The following PEX5L variants were observed in gnomAD, a reference collection of about 807,000 sequenced individuals.
PEX5L encodes the protein PEX5-related protein.
Under a neutral mutation model 84.0 loss-of-function variants are expected in PEX5L, and 30 were observed. The ratio of observed to expected loss-of-function variants is 0.36; its 90% CI spans 0.27 to 0.48. PEX5L has a LOEUF of 0.48. Ranked by LOEUF, PEX5L falls within the 20% of genes least tolerant of loss-of-function variation. The pLI, the probability that PEX5L is intolerant of heterozygous loss-of-function variation, is 0.99. For missense variants in PEX5L, 533 were observed against 754.6 expected (o/e 0.71, Z 3.44); for synonymous variants, 270 against 283.1 (o/e 0.95, Z 0.46).
At chr3:180,000,228 C>A (rs1031863708) in intron 1 of PEX5L, among the ~76,000 whole-genome samples, 3 of 152,190 alleles carry the variant, frequency 2.0e-5, no homozygotes, top group Non-Finnish European at 2.9e-5. Context: ...ACACTTTGAG[C>A]TCCTCCTACC....
chr3:179,971,618 G>A lies in PEX5L; in HGVS notation c.69C>T (p.Leu23=), dbSNP rs180857912. ...GYGKLSSDED[L]EIIVDQKQGK... ...CCTGCTTTTGATCAACAATTATTTC[G>A]AGGTCTTCATCACTGCTTAGTTTTC... The change falls in exon 2 of 15, where the codon CTC becomes CTT. Residue 23 remains leucine (L), a synonymous_variant. Coordinates refer to ENST00000467460, the MANE Select transcript of PEX5L (RefSeq NM_016559.3). 15 of 1,607,358 alleles carry A rather than the reference G, an allele frequency of 9.3e-6. No individual in the cohort carries two copies. The highest frequency in any genetic ancestry group is 8.5e-5 in the Admixed American group (5 of 59,016).
chr3:179,929,752 A>G (rs928831773), intron 2 of PEX5L, among the ~76,000 whole-genome samples: 1 of 151,744 alleles, frequency 6.6e-6, no homozygotes, highest in African/African-American at 2.4e-5. Context: ...ATAACCTTCA[A>G]CTCCCATGAC....
chr3:179,988,421 A>AATAAATAAATAC (rs1384682689), intron 1 of PEX5L, among the ~76,000 whole-genome samples: 1 of 148,114 alleles, frequency 6.8e-6, no homozygotes, highest in Non-Finnish European at 1.5e-5. Flanking sequence ...TAAATAAATA[A>AATAAATAAATAC]AATAAAAAAA....
intron 3 of PEX5L, among the ~76,000 whole-genome samples, chr3:179,891,927 T>C (rs1196396261): frequency 6.6e-6 from 1 of 152,212 alleles, no homozygotes; most frequent in East Asian, 1.9e-4. Flanking sequence ...TTCCAAATTG[T>C]ATAACATTTA....
chr3:179,930,073 T>G (rs1376902928), intron 2 of PEX5L, among the ~76,000 whole-genome samples: 1 of 152,174 alleles, frequency 6.6e-6, no homozygotes, highest in African/African-American at 2.4e-5. Context: ...CTAGGAACCT[T>G]TTTGAAAACA....
chr3:180,024,728 A>G (rs1790787443), intron 1 of PEX5L, among the ~76,000 whole-genome samples: 1 of 151,896 alleles, frequency 6.6e-6, no homozygotes, highest in Non-Finnish European at 1.5e-5. Context: ...ATGCATGTGT[A>G]ACTGGGGAGG....
intron 1 of PEX5L, among the ~76,000 whole-genome samples, chr3:180,018,460 G>T (rs1272188149): frequency 6.6e-6 from 1 of 152,100 alleles, no homozygotes; most frequent in Non-Finnish European, 1.5e-5. Flanking sequence ...TTGGTGATAT[G>T]GCCAGTCCTT....
intron 8 of PEX5L, among the ~76,000 whole-genome samples, chr3:179,824,919 A>G (rs1241662677): frequency 6.6e-6 from 1 of 152,184 alleles, no homozygotes; most frequent in Non-Finnish European, 1.5e-5. Context: ...TTTCCTGTTG[A>G]GTAAGAGCTC....
At chr3:179,995,399 A>G (rs533048503) in intron 1 of PEX5L, among the ~76,000 whole-genome samples, 1 of 151,986 alleles carries the variant, frequency 6.6e-6, no homozygotes, top group Admixed American at 6.6e-5. Context: ...GCTTAATATG[A>G]TTAGACCCCA....
At chr3:179,816,056 C>A (rs374121114) in intron 9 of PEX5L, 52 bp from the exon 10 acceptor site, 121 of 1,565,980 alleles carry the variant, frequency 7.7e-5, no homozygotes, top group Non-Finnish European at 1.7e-5. Context: ...TCTTCTCATT[C>A]TCACATTCAA....
At chr3:180,008,609 T>TA (rs368579234) in intron 1 of PEX5L, among the ~76,000 whole-genome samples, 4 of 152,322 alleles carry the variant, frequency 2.6e-5, no homozygotes, top group African/African-American at 9.6e-5. Context: ...TAATTGGACT[T>TA]ACAGTTCCAC....
chr3:179,846,413 G>A (rs1739371888), intron 8 of PEX5L, among the ~76,000 whole-genome samples: 1 of 152,080 alleles, frequency 6.6e-6, no homozygotes, highest in South Asian at 2.1e-4. Context: ...GCCCTACTGT[G>A]CCATTCAACA....
At chr3:179,832,427 C>A (rs138859096) in intron 8 of PEX5L, among the ~76,000 whole-genome samples, 2 of 151,618 alleles carry the variant, frequency 1.3e-5, no homozygotes, top group East Asian at 3.9e-4. Context: ...CACCTGCCTA[C>A]CCACTAACCT....
chr3:179,799,157 G>C lies in PEX5L; in HGVS notation c.*2671C>G, dbSNP rs1430642528. On this transcript the variant is annotated 3_prime_UTR_variant, in exon 15 of 15. Transcript: ENST00000467460. ...CTGGTCTCGAACTCCTGACCTCGTGGTCTGCCCGCCTCTGCCTCCCAAAGT... is the reference window on the plus strand; with the variant it reads ...CTGGTCTCGAACTCCTGACCTCGTGCTCTGCCCGCCTCTGCCTCCCAAAGT... The C allele has an allele frequency of 6.6e-6, 1 of 152,068 alleles. No individual in the cohort carries two copies. Among genetic ancestry groups the C allele is most frequent in the Non-Finnish European group, 1.5e-5 (1 of 68,032 alleles). 9.4% of individuals were successfully genotyped at this position (152,068 alleles called of 1,614,324 possible). A position where few individuals can be genotyped will look rare whatever the true frequency, so the allele number is the denominator to read the frequency against.
intron 2 of PEX5L, among the ~76,000 whole-genome samples, chr3:179,962,520 C>T (rs951486609): frequency 2.6e-5 from 4 of 152,298 alleles, no homozygotes; most frequent in African/African-American, 9.6e-5. Flanking sequence ...GTGCTATCAC[C>T]ATAATCATAC....
At chr3:180,007,186 T>A (rs1788981815) in intron 1 of PEX5L, among the ~76,000 whole-genome samples, 1 of 152,164 alleles carries the variant, frequency 6.6e-6, no homozygotes, top group Admixed American at 6.5e-5. Context: ...TGGGAGAAAC[T>A]GGCCAAAACG....
chr3:179,898,156 T>C lies in PEX5L; in HGVS notation c.184A>G (p.Thr62Ala), dbSNP rs1258330179. 9 of 1,610,874 alleles carry C rather than the reference T, an allele frequency of 5.6e-6. No individual in the cohort carries two copies. Among genetic ancestry groups the C allele is most frequent in the Non-Finnish European group, 6.8e-6 (8 of 1,177,196 alleles). The change falls in exon 3 of 15, where the codon ACT becomes GCT. Residue 62 changes from threonine to alanine, a missense_variant. Physicochemically the swap from Thr to Ala is moderately conservative, Grantham distance 58. This residue lies in a region of PEX5L where 259 missense variants were observed against 301.7 expected (regional missense o/e 0.86). Transcript: ENST00000467460. ...GGTCTGCCCACCTGTGATGTCATAG[T>C]AAGGAGGGGCTTTTCTTCAGCAGAC... ...EESAEEKPLLTMTSQLVNEQQ... is the reference protein window; with the variant it reads ...EESAEEKPLLAMTSQLVNEQQ...
intron 1 of PEX5L, among the ~76,000 whole-genome samples, chr3:180,003,251 C>T (rs1788585787): frequency 1.3e-5 from 2 of 152,102 alleles, no homozygotes; most frequent in Non-Finnish European, 2.9e-5. Context: ...TCATGTGAAA[C>T]ATGGAAAACA....
At chr3:179,885,215 T>C (rs1755436090) in intron 4 of PEX5L, among the ~76,000 whole-genome samples, 1 of 152,090 alleles carries the variant, frequency 6.6e-6, no homozygotes, top group South Asian at 2.1e-4. Context: ...GATTGAGTGG[T>C]CTATGTAGAA....
Sources: allele counts gnomAD v4.1 joint callset (sites outside exome capture counted in the v4.1 genomes callset), GRCh38; gene constraint gnomAD v4.1.1; regional missense constraint gnomAD v4.1.1; transcripts MANE v1.5; gene names NCBI Gene and HGNC (gene_info 2026-07-23, HGNC 2026-07-21).